PDCD6IP: variants seen among roughly 807,000 people sequenced by gnomAD.
PDCD6IP encodes programmed cell death 6-interacting protein.
Under a neutral mutation model 103.7 loss-of-function variants are expected in PDCD6IP, and 43 were observed. That is an observed-to-expected ratio of 0.41 (90% CI 0.32 to 0.53). The LOEUF (loss-of-function observed/expected upper bound fraction) is 0.53. Ranked by LOEUF, PDCD6IP falls within the 20% of genes least tolerant of loss-of-function variation. The pLI is 0.16. For missense variants in PDCD6IP, 871 were observed against 1,036.7 expected, an observed-to-expected ratio of 0.84 and a Z score of 2.20; for synonymous variants, 354 against 378.7, an observed-to-expected ratio of 0.93 and a Z score of 0.76.
chr3:33,809,620 G>A (rs933202758), intron 1 of PDCD6IP, among the ~76,000 whole-genome samples: 1 of 152,232 alleles, frequency 6.6e-6, no homozygotes, highest in African/African-American at 2.4e-5. Flanking sequence ...AAGTCAGGAA[G>A]TTGGCATTGA....
At chr3:33,842,665 T>G (rs9846072) in intron 10 of PDCD6IP, among the ~76,000 whole-genome samples, 2 of 151,882 alleles carry the variant, frequency 1.3e-5, no homozygotes, top group South Asian at 2.1e-4. Context: ...ATTTACAGAG[T>G]CTTTGCAAAT....
intron 7 of PDCD6IP, among the ~76,000 whole-genome samples, chr3:33,834,009 T>A (rs549383793): frequency 2.0e-5 from 3 of 151,322 alleles, no homozygotes; most frequent in Non-Finnish European, 4.4e-5. Flanking sequence ...GCATTTCAAG[T>A]TGATGCATCT....
At position 33,798,648 on chromosome 3, in the gene PDCD6IP, C is replaced by A; in HGVS notation, c.-81C>A. On this transcript the variant is annotated 5_prime_UTR_variant, in exon 1 of 18. Coordinates refer to ENST00000307296, the MANE Select transcript of PDCD6IP (RefSeq NM_013374.6). The stretch of plus-strand genomic sequence containing the variant: ...GTCAGCCAGTCAGTCCGCCAGTCCG[C>A]CAGCCCAGTACCTCTCTCTCCTCGG... The A allele has an allele frequency of 7.7e-7, 1 of 1,298,430 alleles. No individual in the cohort carries two copies. Among genetic ancestry groups the A allele is most frequent in the Non-Finnish European group, 1.0e-6 (1 of 966,692 alleles). The allele number at this position is 1,298,430 out of a possible 1,614,324, so 80.4% of individuals were successfully genotyped here.
intron 1 of PDCD6IP, chr3:33,811,051 A>G: frequency 2.4e-6 from 1 of 421,300 alleles, no homozygotes; most frequent in South Asian, 1.7e-5. Flanking sequence ...ATGCCTGGCT[A>G]ATGTTTGTAT....
intron 6 of PDCD6IP, chr3:33,826,828 G>T (rs2125557366): frequency 8.0e-7 from 1 of 1,250,632 alleles, no homozygotes; most frequent in East Asian, 4.0e-5. Context: ...ACTCTTTCTG[G>T]AAAATGTTGA....
At chr3:33,827,037 T>C in intron 6 of PDCD6IP, 1 of 985,296 alleles carries the variant, frequency 1.0e-6, no homozygotes, top group African/African-American at 1.7e-5. Context: ...ATTCATCTGA[T>C]ACTTTGATTA....
chr3:33,835,917 G>C (rs1412963849), intron 7 of PDCD6IP, 127 bp from the exon 8 acceptor site: 2 of 613,578 alleles, frequency 3.3e-6, no homozygotes, highest in Non-Finnish European at 5.7e-6. Flanking sequence ...CAGCCACATT[G>C]CTGGAAATGC....
rs747213588 is a variant in PDCD6IP at position 33,825,259 on chromosome 3, A to G, written c.535A>G (p.Ile179Val). ...SALSREPTVDISPDTVGTLSL... is the reference protein window; with the variant it reads ...SALSREPTVDVSPDTVGTLSL... Reference sequence around the variant, plus strand: ...CTTAAGTCGAGAGCCGACCGTGGACATATCTCCAGATACTGTTGGGACCCT... The same window carrying G: ...CTTAAGTCGAGAGCCGACCGTGGACGTATCTCCAGATACTGTTGGGACCCT... Residue 179 changes from isoleucine to valine, a missense_variant, in exon 5 of 18, where the codon ATA (isoleucine) becomes GTA (valine). This residue lies in a region of PDCD6IP where 242 missense variants were observed against 250.7 expected (regional missense o/e 0.97). Coordinates refer to ENST00000307296, the MANE Select transcript of PDCD6IP (RefSeq NM_013374.6). 2.5e-6 allele frequency: 4 copies of G among 1,613,704 alleles called. No homozygotes were observed. Among genetic ancestry groups the G allele is most frequent in the Non-Finnish European group, 3.4e-6 (4 of 1,179,804 alleles).
chr3:33,822,049 T>C lies in PDCD6IP; in HGVS notation c.429T>C (p.Asp143=), dbSNP rs1459975668. The C allele has an allele frequency of 3.1e-6, 5 of 1,614,020 alleles. No individual in the cohort carries two copies. The African/African-American group carries it at 5.3e-5, about 17-fold the overall frequency. The part of the protein sequence containing the change: ...QIAAEQNLDN[D]EGLKIAAKHY... The stretch of plus-strand genomic sequence containing the variant: ...CAGCAGAACAGAACCTGGATAATGA[T>C]GAAGGATTGAAAATCGCTGCTAAAC... Residue 143 remains aspartate, a synonymous_variant, in exon 4 of 18, where the codon GAT becomes GAC. Coordinates refer to ENST00000307296, the MANE Select transcript of PDCD6IP (RefSeq NM_013374.6).
At chr3:33,818,728 A>G (rs530110645) in intron 3 of PDCD6IP, among the ~76,000 whole-genome samples, 1 of 151,866 alleles carries the variant, frequency 6.6e-6, no homozygotes, top group Non-Finnish European at 1.5e-5. Context: ...CATGTTGGCC[A>G]GAATGGTCTT....
chr3:33,826,357 T>C, intron 5 of PDCD6IP, 123 bp from the exon 6 acceptor site: 1 of 665,128 alleles, frequency 1.5e-6, no homozygotes, highest in Non-Finnish European at 2.5e-6. Context: ...GTGCAGAAAA[T>C]GTGATTTCAT....
rs750473039 is a variant in PDCD6IP, at chr3:33,828,890, T to C, written c.755T>C (p.Met252Thr). The change falls in exon 7 of 18, where the codon ATG (methionine) becomes ACG (threonine). Residue 252 changes from methionine (M) to threonine (T), a missense_variant. By Grantham distance (81) the Met-to-Thr change is moderately conservative (BLOSUM62 -1). Coordinates refer to ENST00000307296, the MANE Select transcript of PDCD6IP (RefSeq NM_013374.6). Reference sequence around the variant, plus strand: ...GTCTTGGCTGCAAAGCACTGTATCATGCAGGCCAATGCTGAGTACCATCAG... The same window carrying C: ...GTCTTGGCTGCAAAGCACTGTATCACGCAGGCCAATGCTGAGTACCATCAG... ...FPVLAAKHCI[M>T]QANAEYHQSI... 9.9e-6 allele frequency: 16 copies of C among 1,612,710 alleles called. No homozygotes were observed. The highest frequency in any genetic ancestry group is 9.9e-5 in the South Asian group (9 of 90,934).
In PDCD6IP at chr3:33,852,339, A is replaced by G. The variant is rs77038953; in HGVS notation, c.1642-149A>G. 252 of 1,350,902 alleles carry G rather than the reference A, an allele frequency of 1.9e-4. No individual in the cohort carries two copies. The East Asian group carries it at 6.2e-3, about 33-fold the overall frequency. 83.7% of individuals were successfully genotyped at this position (1,350,902 alleles called of 1,614,324 possible). A position where few individuals can be genotyped will look rare whatever the true frequency, so the allele number is the denominator to read the frequency against. On this transcript the variant is annotated intron_variant, in intron 12 of 17. Coordinates refer to ENST00000307296, the MANE Select transcript of PDCD6IP (RefSeq NM_013374.6). ...TCAACTGAAGGTACAGTGTCTATCTATATAAACCTGACGTTCAATTTATAT... is the reference window on the plus strand; with the variant it reads ...TCAACTGAAGGTACAGTGTCTATCTGTATAAACCTGACGTTCAATTTATAT...
At chr3:33,852,868 T>C in intron 13 of PDCD6IP, 132 bp downstream of exon 13, 1 of 1,105,424 alleles carries the variant, frequency 9.0e-7, no homozygotes. Context: ...TTAATACATG[T>C]ATATTTTGTA....
At chr3:33,860,363 A>G (rs1354639604) in intron 15 of PDCD6IP, among the ~76,000 whole-genome samples, 1 of 152,240 alleles carries the variant, frequency 6.6e-6, no homozygotes. Flanking sequence ...CGTTGTTAAT[A>G]CTGAAGGCCA....
chr3:33,841,681 T>G (rs1373364183), intron 9 of PDCD6IP, among the ~76,000 whole-genome samples: 2 of 150,580 alleles, frequency 1.3e-5, no homozygotes, highest in Admixed American at 6.6e-5. Flanking sequence ...CTCGTGATCC[T>G]CCCGCCTCGG....
At chr3:33,803,911 T>C (rs942656913) in intron 1 of PDCD6IP, among the ~76,000 whole-genome samples, 1 of 152,206 alleles carries the variant, frequency 6.6e-6, no homozygotes, top group Non-Finnish European at 1.5e-5. Context: ...TCAGTCTGTA[T>C]TGGTTGCATC....
chr3:33,852,395 G>A (rs769596331), intron 12 of PDCD6IP, 93 bp from the exon 13 acceptor site: 97 of 1,431,410 alleles, frequency 6.8e-5, no homozygotes, highest in Non-Finnish European at 8.9e-5. Flanking sequence ...CTCTCTCTCA[G>A]CCCGAATGAA....
intron 7 of PDCD6IP, among the ~76,000 whole-genome samples, chr3:33,829,621 A>G (rs1490119774): frequency 6.6e-6 from 1 of 152,170 alleles, no homozygotes; most frequent in Non-Finnish European, 1.5e-5. Context: ...TGCCAGCAGG[A>G]GCAAGAGCTG....
Sources: gnomAD v4.1 joint callset for allele counts (sites outside exome capture counted in the v4.1 genomes callset) on GRCh38, gnomAD v4.1.1 for gene constraint, gnomAD v4.1.1 regional missense constraint, MANE v1.5 for transcripts, NCBI Gene and HGNC (gene_info 2026-07-23, HGNC 2026-07-21) for gene names.